NFIC: variants seen among roughly 807,000 people sequenced by gnomAD.
The protein encoded by NFIC is nuclear factor I C.
Under a neutral mutation model 54.4 loss-of-function variants are expected in NFIC, and 12 were observed. That is an observed-to-expected ratio of 0.22 (90% CI 0.14 to 0.36). The LOEUF is 0.36. Ranked by LOEUF, NFIC falls within the 10% of genes least tolerant of loss-of-function variation. NFIC has a pLI of 1.00. For missense variants in NFIC, 575 were observed against 718.2 expected, an observed-to-expected ratio of 0.80 and a Z score of 2.28; for synonymous variants, 322 against 319.2, an observed-to-expected ratio of 1.01 and a Z score of -0.09.
chr19:3,410,253 G>A (rs1438510758), intron 2 of NFIC, among the ~76,000 whole-genome samples: 2 of 152,120 alleles, frequency 1.3e-5, no homozygotes, highest in Non-Finnish European at 2.9e-5. Flanking sequence ...TGTTAGCTAG[G>A]AGAACAACAA....
intron 6 of NFIC, 83 bp downstream of exon 6, chr19:3,435,290 G>T: frequency 1.4e-6 from 2 of 1,433,750 alleles, no homozygotes; most frequent in Non-Finnish European, 1.8e-6. Flanking sequence ...GCCACTGCGC[G>T]GGCGCCGCGG....
intron 2 of NFIC, among the ~76,000 whole-genome samples, chr19:3,399,024 TGCTTGGGCAGAG>T (rs774767005): frequency 8.5e-5 from 13 of 152,240 alleles, no homozygotes; most frequent in Non-Finnish European, 1.5e-5. Context: ...CCACGCCCAG[TGCTTGGGCAGAG>T]GCTTGGGCTG....
rs144017950 is a variant in NFIC at position 3,404,585 on chromosome 19, G to C, written c.563-20521G>C. Among the ~76,000 whole-genome samples the C allele has an allele frequency of 2.6e-3, 402 of 151,920 alleles. 3 individuals are homozygous for C. Among genetic ancestry groups the C allele is most frequent in the Non-Finnish European group, 4.7e-3 (322 of 67,898 alleles). On this transcript the variant is annotated intron_variant, in intron 2 of 10. Transcript: ENST00000443272. The stretch of plus-strand genomic sequence containing the variant: ...GAGGCTCCCTTGTCACCTTCTCCTG[G>C]TGTCCCCCCACCCCCACCCCACCCA...
intron 9 of NFIC, chr19:3,454,143 G>C: frequency 7.7e-7 from 1 of 1,306,668 alleles, no homozygotes; most frequent in Middle Eastern, 2.9e-4. Flanking sequence ...GAGAGTCCAG[G>C]GTCTGTCCCC....
chr19:3,411,362 C>G (rs1225418956), intron 2 of NFIC, among the ~76,000 whole-genome samples: 1 of 117,982 alleles, frequency 8.5e-6, no homozygotes, highest in Non-Finnish European at 1.6e-5. Flanking sequence ...GAGTCTTGCT[C>G]TGTTGCCCAG....
At chr19:3,378,016 A>G (rs2081137890) in intron 1 of NFIC, among the ~76,000 whole-genome samples, 1 of 151,984 alleles carries the variant, frequency 6.6e-6, no homozygotes, top group Non-Finnish European at 1.5e-5. Flanking sequence ...AGGCAGAGGC[A>G]GGTGGACCAC....
chr19:3,462,933 C>T lies in NFIC; in HGVS notation c.*164C>T. 6.8e-7 allele frequency: 1 copy of T among 1,461,528 alleles called. No homozygotes were observed. Among genetic ancestry groups the T allele is most frequent in the Non-Finnish European group, 9.0e-7 (1 of 1,112,798 alleles). The allele number at this position is 1,461,528 out of a possible 1,614,324, so 90.5% of individuals were successfully genotyped here. On this transcript the variant is annotated 3_prime_UTR_variant, in exon 11 of 11. Transcript: ENST00000443272. Reference sequence around the variant, plus strand: ...GACAAAACACATAGACGCACACACTCAGGAGGAAAAGAAAAAACAAAGGCA... The same window carrying T: ...GACAAAACACATAGACGCACACACTTAGGAGGAAAAGAAAAAACAAAGGCA...
chr19:3,400,612 G>A (rs1256422367), intron 2 of NFIC, among the ~76,000 whole-genome samples: 1 of 152,090 alleles, frequency 6.6e-6, no homozygotes, highest in Non-Finnish European at 1.5e-5. Flanking sequence ...GGGCCGAGGC[G>A]GGCAGATCAC....
In NFIC at chr19:3,367,955, G is replaced by A. The variant is rs149687882; in HGVS notation, c.30+1289G>A. Among the ~76,000 whole-genome samples the A allele has an allele frequency of 4.7e-3, 722 of 152,294 alleles. 5 individuals carry two copies. The highest frequency in any genetic ancestry group is 7.0e-3 in the Non-Finnish European group (474 of 68,016). On this transcript the variant is annotated intron_variant, in intron 1 of 10. Coordinates refer to ENST00000443272, the MANE Select transcript of NFIC (RefSeq NM_001245002.2). ...CTCACCGGCCCCCTGCAGCCGACAG[G>A]GAATGTGGGAGCTGGTGCTGAGGGG...
At chr19:3,416,015 T>G (rs1163347003) in intron 2 of NFIC, among the ~76,000 whole-genome samples, 1 of 151,854 alleles carries the variant, frequency 6.6e-6, no homozygotes, top group African/African-American at 2.4e-5. Context: ...TGTTAAAAAT[T>G]AGCCAGATGT....
At chr19:3,436,501 A>G (rs2082206454) in intron 6 of NFIC, among the ~76,000 whole-genome samples, 1 of 142,058 alleles carries the variant, frequency 7.0e-6, no homozygotes, top group Non-Finnish European at 1.5e-5. Flanking sequence ...TTTGAGATGG[A>G]GTCTTGCTCT....
chr19:3,438,278 TGG>T (rs34904219), intron 6 of NFIC, among the ~76,000 whole-genome samples: 1 of 132,680 alleles, frequency 7.5e-6, no homozygotes, highest in African/African-American at 2.6e-5. Context: ...GTGGTAGCAA[TGG>T]GGGGAGGACA....
At chr19:3,374,871 G>A (rs141451169) in intron 1 of NFIC, among the ~76,000 whole-genome samples, 2 of 152,274 alleles carry the variant, frequency 1.3e-5, no homozygotes, top group Non-Finnish European at 2.9e-5. Flanking sequence ...GGAGGACAAG[G>A]GAGGATGGGG....
intron 2 of NFIC, among the ~76,000 whole-genome samples, chr19:3,422,991 G>A (rs2081975832): frequency 6.7e-6 from 1 of 148,626 alleles, no homozygotes; most frequent in African/African-American, 2.5e-5. Flanking sequence ...GAGGTCAGGA[G>A]TTCGAGACCA....
intron 2 of NFIC, among the ~76,000 whole-genome samples, chr19:3,417,124 A>T (rs1180238929): frequency 6.7e-6 from 1 of 148,236 alleles, no homozygotes; most frequent in Non-Finnish European, 1.5e-5. Flanking sequence ...TGACCTCGTG[A>T]TCCGCCCGCC....
Position 3,464,627 on chromosome 19 carries a change from G to C in NFIC, c.*1858G>C, listed in dbSNP as rs2082691877. On this transcript the variant is annotated 3_prime_UTR_variant, in exon 11 of 11. Transcript: ENST00000443272. ...AGGCCAAAGCCAGGGCAGGTCTCCG[G>C]GTCTCACCTGCTCCTAGCCTCACCC... The C allele has an allele frequency of 5.1e-6, 5 of 976,812 alleles. No individual in the cohort carries two copies. The highest frequency in any genetic ancestry group is 6.1e-6 in the Non-Finnish European group (5 of 824,036). 60.5% of individuals were successfully genotyped at this position (976,812 alleles called of 1,614,324 possible).
intron 7 of NFIC, among the ~76,000 whole-genome samples, chr19:3,450,757 A>C (rs59350447): frequency 0.01 from 1,582 of 152,338 alleles, 28 homozygotes; most frequent in African/African-American, 0.037. Flanking sequence ...TTACCACCCC[A>C]TGTTCTAGTG....
At chr19:3,396,471 CAA>C (rs60749462) in intron 2 of NFIC, among the ~76,000 whole-genome samples, 14 of 55,504 alleles carry the variant, frequency 2.5e-4, no homozygotes, top group Middle Eastern at 0.012. Flanking sequence ...GACTCCGTCT[CAA>C]AAAAAAAAAA....
chr19:3,450,850 A>C (rs1194332573), intron 7 of NFIC, among the ~76,000 whole-genome samples: 2 of 152,206 alleles, frequency 1.3e-5, no homozygotes, highest in Admixed American at 1.3e-4. Flanking sequence ...AGGGGTCAGC[A>C]AACGCTGGCC....
Sources: gnomAD v4.1 joint callset for allele counts (sites outside exome capture counted in the v4.1 genomes callset) on GRCh38, gnomAD v4.1.1 for gene constraint, MANE v1.5 for transcripts, NCBI Gene and HGNC (gene_info 2026-07-23, HGNC 2026-07-21) for gene names.